Variants in GRID2 observed in about 807,000 individuals in gnomAD.
The protein encoded by GRID2 is glutamate receptor ionotropic, delta-2.
In GRID2, 33 loss-of-function variants were observed where a neutral mutation model predicts 114.8. That is an observed-to-expected ratio of 0.29 (90% CI 0.22 to 0.38). The LOEUF (loss-of-function observed/expected upper bound fraction) is 0.38. Ranked by LOEUF, GRID2 falls within the 10% of genes least tolerant of loss-of-function variation. The pLI, the probability that GRID2 is intolerant of heterozygous loss-of-function variation, is 1.00. For missense variants in GRID2, 1,184 were observed against 1,257.7 expected, an observed-to-expected ratio of 0.94 and a Z score of 0.89; for synonymous variants, 505 against 449.9, an observed-to-expected ratio of 1.12 and a Z score of -1.55.
chr4:92,422,383 A>T (rs908333516), intron 1 of GRID2, among the ~76,000 whole-genome samples: 1 of 152,140 alleles, frequency 6.6e-6, no homozygotes, highest in Admixed American at 6.6e-5. Flanking sequence ...TTTTAAGCAG[A>T]GATGAGACAA....
At chr4:93,494,139 C>A (rs1186159802) in intron 12 of GRID2, among the ~76,000 whole-genome samples, 1 of 151,754 alleles carries the variant, frequency 6.6e-6, no homozygotes, top group Admixed American at 6.6e-5. Context: ...TTAGAAAAGA[C>A]AAACTTTTTT....
intron 2 of GRID2, among the ~76,000 whole-genome samples, chr4:92,921,072 T>C (rs781372614): frequency 2.0e-5 from 3 of 152,154 alleles, no homozygotes; most frequent in Admixed American, 2.0e-4. Flanking sequence ...TTCTCTAAAC[T>C]TCTCTTTTAG....
intron 4 of GRID2, among the ~76,000 whole-genome samples, chr4:93,134,510 T>C (rs1302502801): frequency 6.6e-6 from 1 of 152,150 alleles, no homozygotes; most frequent in African/African-American, 2.4e-5. Context: ...TGAAACCTCT[T>C]TAAAGAAAAC....
At chr4:92,690,363 G>A (rs1734126925) in intron 2 of GRID2, among the ~76,000 whole-genome samples, 1 of 152,120 alleles carries the variant, frequency 6.6e-6, no homozygotes, top group Non-Finnish European at 1.5e-5. Flanking sequence ...GGAGCTGTCA[G>A]GACACAAACA....
chr4:93,251,375 G>A (rs924444577), intron 8 of GRID2, among the ~76,000 whole-genome samples: 4 of 151,782 alleles, frequency 2.6e-5, no homozygotes, highest in African/African-American at 9.7e-5. Context: ...TTTTTAAATG[G>A]CAAAAATTGA....
chr4:92,527,014 G>A, intron 1 of GRID2, among the ~76,000 whole-genome samples: 1 of 151,566 alleles, frequency 6.6e-6, no homozygotes, highest in Non-Finnish European at 1.5e-5. Context: ...CATTGTTTTG[G>A]TTTTGCTAGG....
intron 9 of GRID2, among the ~76,000 whole-genome samples, chr4:93,411,082 CA>C (rs777773334): frequency 6.6e-6 from 1 of 152,034 alleles, no homozygotes; most frequent in Non-Finnish European, 1.5e-5. Context: ...TATTTAATGA[CA>C]AAAAAACAGA....
intron 13 of GRID2, among the ~76,000 whole-genome samples, chr4:93,618,270 A>T (rs1191123218): frequency 6.6e-6 from 1 of 152,198 alleles, no homozygotes; most frequent in African/African-American, 2.4e-5. Context: ...TTAGAATTGT[A>T]ATCTTCCACA....
intron 4 of GRID2, among the ~76,000 whole-genome samples, chr4:93,124,972 C>T (rs878873596): frequency 1.3e-5 from 2 of 152,058 alleles, no homozygotes; most frequent in Non-Finnish European, 2.9e-5. Flanking sequence ...GCCTTGTAGA[C>T]TATACCAAAA....
intron 2 of GRID2, among the ~76,000 whole-genome samples, chr4:92,756,519 A>G (rs1737727857): frequency 6.6e-6 from 1 of 152,144 alleles, no homozygotes; most frequent in African/African-American, 2.4e-5. Flanking sequence ...AGAAATATCT[A>G]TATTGTTTTC....
At chr4:93,117,671 T>C (rs895644127) in intron 4 of GRID2, among the ~76,000 whole-genome samples, 6 of 152,146 alleles carry the variant, frequency 3.9e-5, no homozygotes, top group Admixed American at 3.3e-4. Context: ...TGTGCTTTCA[T>C]CAGTGATTTC....
chr4:93,734,496 C>T (rs1730759789), intron 14 of GRID2, among the ~76,000 whole-genome samples: 2 of 151,980 alleles, frequency 1.3e-5, no homozygotes. Flanking sequence ...TACATAAAAT[C>T]ACCACCACAA....
intron 1 of GRID2, among the ~76,000 whole-genome samples, chr4:93,795,388 C>T (rs1734777084): frequency 6.6e-6 from 1 of 151,734 alleles, no homozygotes; most frequent in African/African-American, 2.4e-5. Flanking sequence ...AATCATATAC[C>T]TTTACTTAAT....
intron 2 of GRID2, among the ~76,000 whole-genome samples, chr4:92,926,028 A>G (rs900694197): frequency 3.9e-5 from 6 of 152,044 alleles, no homozygotes; most frequent in African/African-American, 1.4e-4. Context: ...TTGCAACATC[A>G]ACAGTTGTCT....
chr4:93,587,947 A>G lies in GRID2; in HGVS notation c.2194-38322A>G, dbSNP rs139368258. Among the ~76,000 whole-genome samples, 590 of 152,266 alleles carry G rather than the reference A, an allele frequency of 3.9e-3. 7 individuals are homozygous for G. The highest frequency in any genetic ancestry group is 0.014 in the African/African-American group (568 of 41,572). ...ATAATCATTCTTTCTGCAAAATTAG[A>G]TAAACCCAGGGATGATCCAAGAATC... On this transcript the variant is annotated intron_variant, in intron 13 of 15. Transcript: ENST00000282020.
chr4:92,808,626 C>A lies in GRID2; in HGVS notation c.244+218340C>A, dbSNP rs541123844. ...GTAGAGCTTAAGTTTATAAACAGGA[C>A]CAGAGAACTGAACAACTGAATAAAC... On this transcript the variant is annotated intron_variant, in intron 2 of 15. Transcript: ENST00000282020. 6.6e-5 allele frequency among the ~76,000 whole-genome samples: 10 copies of A among 151,904 alleles called. No homozygotes were observed. In the East Asian group the frequency reaches 1.9e-3, roughly 30 times the overall value.
chr4:92,980,088 TTAATA>T (rs1214066711), intron 2 of GRID2, among the ~76,000 whole-genome samples: 1 of 152,194 alleles, frequency 6.6e-6, no homozygotes, highest in African/African-American at 2.4e-5. Context: ...TGTGTGGACT[TTAATA>T]TAAATATGAT....
At chr4:93,378,370 G>A (rs1363198385) in intron 8 of GRID2, among the ~76,000 whole-genome samples, 1 of 152,012 alleles carries the variant, frequency 6.6e-6, no homozygotes, top group Non-Finnish European at 1.5e-5. Context: ...ATATTCCTGG[G>A]AAATCAACCT....
intron 14 of GRID2, among the ~76,000 whole-genome samples, chr4:93,689,897 T>C (rs928102091): frequency 6.6e-6 from 1 of 152,044 alleles, no homozygotes; most frequent in East Asian, 1.9e-4. Flanking sequence ...ACATTACATT[T>C]ACTACTACAA....
Sources: gnomAD v4.1 joint callset for allele counts (sites outside exome capture counted in the v4.1 genomes callset) on GRCh38, gnomAD v4.1.1 for gene constraint, MANE v1.5 for transcripts, NCBI Gene and HGNC (gene_info 2026-07-23, HGNC 2026-07-21) for gene names.